IGSF10: variants seen among roughly 807,000 people sequenced by gnomAD.
The protein encoded by IGSF10 is calvaria mechanical force protein 608.
A neutral mutation model predicts 128.2 loss-of-function variants in IGSF10; 126 were observed. That is an observed-to-expected ratio of 0.98 (90% CI 0.85 to 1.14). The LOEUF (loss-of-function observed/expected upper bound fraction) is 1.14. IGSF10 is among the 50% of genes most tolerant of loss of function. IGSF10 has a pLI of 0.00. For synonymous variants in IGSF10, 1,185 were observed against 1,146.2 expected, an observed-to-expected ratio of 1.03 and a Z score of -0.68; for missense variants, 3,295 against 3,149.8, an observed-to-expected ratio of 1.05 and a Z score of -1.10.
chr3:151,461,383 C>G (rs909204556), upstream of IGSF10: 94 of 985,262 alleles, frequency 9.5e-5, no homozygotes, highest in Non-Finnish European at 1.1e-4. Context: ...CTGTGGCTCC[C>G]AAAGTTCTAT....
At chr3:151,483,789 A>T in the IGSF10 span, among the ~76,000 whole-genome samples, 1 of 152,188 alleles carries the variant, frequency 6.6e-6, no homozygotes, top group African/African-American at 2.4e-5. Context: ...AGCTTTTCCC[A>T]TGGTCTTCAC....
chr3:151,482,351 G>A, the IGSF10 span, among the ~76,000 whole-genome samples: 8 of 152,040 alleles, frequency 5.3e-5, no homozygotes, highest in African/African-American at 1.7e-4. Flanking sequence ...TAAAGAGACC[G>A]GTATCATTAA....
At chr3:151,523,661 T>C in the IGSF10 span, among the ~76,000 whole-genome samples, 1 of 151,962 alleles carries the variant, frequency 6.6e-6, no homozygotes, top group Non-Finnish European at 1.5e-5. Context: ...TATACAAAAA[T>C]CAATGCAAGT....
At chr3:151,502,347 G>C in the IGSF10 span, among the ~76,000 whole-genome samples, 2 of 152,084 alleles carry the variant, frequency 1.3e-5, no homozygotes, top group South Asian at 4.1e-4. Flanking sequence ...CTGGAGTTTA[G>C]AGAAAGTCAT....
At chr3:151,515,709 A>G in the IGSF10 span, among the ~76,000 whole-genome samples, 1 of 132,178 alleles carries the variant, frequency 7.6e-6, no homozygotes, top group African/African-American at 2.9e-5. Context: ...TAAAAAATAT[A>G]TAAATTATAT....
chr3:151,502,740 C>T, the IGSF10 span, among the ~76,000 whole-genome samples: 2 of 151,958 alleles, frequency 1.3e-5, no homozygotes, highest in African/African-American at 4.8e-5. Flanking sequence ...CAACCTCTTA[C>T]TAAAAAGAAC....
the IGSF10 span, among the ~76,000 whole-genome samples, chr3:151,604,950 A>G: frequency 1.3e-5 from 2 of 152,228 alleles, no homozygotes; most frequent in Admixed American, 6.5e-5. Flanking sequence ...TCTTGAATAT[A>G]CATTGTTGAT....
intron 1 of IGSF10, among the ~76,000 whole-genome samples, chr3:151,460,696 G>T (rs1202563974): frequency 1.3e-5 from 2 of 151,606 alleles, no homozygotes; most frequent in East Asian, 3.9e-4. Flanking sequence ...ATCTGTCACA[G>T]ATGTCTCCAT....
At chr3:151,535,644 GA>G in the IGSF10 span, among the ~76,000 whole-genome samples, 1 of 151,942 alleles carries the variant, frequency 6.6e-6, no homozygotes, top group Non-Finnish European at 1.5e-5. Context: ...TTCATATTTA[GA>G]ATTAGAATTT....
the IGSF10 span, among the ~76,000 whole-genome samples, chr3:151,563,209 G>C: frequency 6.6e-6 from 1 of 152,044 alleles, no homozygotes; most frequent in Non-Finnish European, 1.5e-5. Context: ...CTAGGAGAGG[G>C]AATAAACAGC....
chr3:151,516,081 C>G, the IGSF10 span, among the ~76,000 whole-genome samples: 1 of 151,976 alleles, frequency 6.6e-6, no homozygotes, highest in Non-Finnish European at 1.5e-5. Flanking sequence ...ATCTAGAACT[C>G]AAAGACTGGA....
the IGSF10 span, among the ~76,000 whole-genome samples, chr3:151,516,447 G>T: frequency 6.6e-6 from 1 of 152,022 alleles, no homozygotes; most frequent in African/African-American, 2.4e-5. Flanking sequence ...ACCTGTGAAG[G>T]ATTTTGCAGC....
the IGSF10 span, among the ~76,000 whole-genome samples, chr3:151,598,574 G>T: frequency 6.6e-6 from 1 of 152,164 alleles, no homozygotes; most frequent in East Asian, 1.9e-4. Context: ...ATCATCCCAT[G>T]TACTTTAAAT....
chr3:151,437,152 CT>C lies in IGSF10; in HGVS notation c.7408del (p.Ser2470ValfsTer4). On this transcript the variant is annotated frameshift_variant, in exon 8 of 8. Transcript: ENST00000282466. LOFTEE classifies it low-confidence loss of function (END_TRUNC). ...TTGAGGCCTGTCTACTACATAACCACTTGGCATAGTCCATTTGATATTTGGC... is the reference window on the plus strand; with the variant it reads ...TTGAGGCCTGTCTACTACATAACCACTGGCATAGTCCATTTGATATTTGGC... ...PKPNIKWTMP[S>X]GYVVDRPQIN... 2 of 1,614,178 alleles carry C rather than the reference CT, an allele frequency of 1.2e-6. No homozygotes were observed. Among genetic ancestry groups the C allele is most frequent in the Non-Finnish European group, 1.7e-6 (2 of 1,180,018 alleles).
At chr3:151,582,924 C>T in the IGSF10 span, among the ~76,000 whole-genome samples, 1 of 152,100 alleles carries the variant, frequency 6.6e-6, no homozygotes, top group South Asian at 2.1e-4. Flanking sequence ...TACTAAATGT[C>T]ATTTTTTGGT....
the IGSF10 span, among the ~76,000 whole-genome samples, chr3:151,600,073 G>A: frequency 1.3e-5 from 2 of 152,178 alleles, no homozygotes; most frequent in South Asian, 4.1e-4. Flanking sequence ...GTATCATGAA[G>A]TTGTAACTTA....
the IGSF10 span, among the ~76,000 whole-genome samples, chr3:151,615,964 G>GTTTTT: frequency 4.6e-4 from 61 of 132,342 alleles, 1 homozygote; most frequent in Non-Finnish European, 5.8e-4. Flanking sequence ...GTTTTTTGAG[G>GTTTTT]TTTTTTTTTT....
the IGSF10 span, among the ~76,000 whole-genome samples, chr3:151,533,591 G>A: frequency 6.6e-6 from 1 of 152,180 alleles, no homozygotes; most frequent in African/African-American, 2.4e-5. Context: ...TGGGAAAACT[G>A]TCTAGCCATA....
chr3:151,539,475 T>A, the IGSF10 span, among the ~76,000 whole-genome samples: 1 of 152,206 alleles, frequency 6.6e-6, no homozygotes. Flanking sequence ...TGTTTCTACT[T>A]AAGGGTCTTT....
Sources: allele counts gnomAD v4.1 joint callset (sites outside exome capture counted in the v4.1 genomes callset), GRCh38; gene constraint gnomAD v4.1.1; transcripts MANE v1.5; gene names NCBI Gene and HGNC (gene_info 2026-07-23, HGNC 2026-07-21).